The following CSMD1 variants were observed in gnomAD, a reference collection of about 807,000 sequenced individuals.
CSMD1 encodes CUB and sushi domain-containing protein 1.
Under a neutral mutation model 417.5 loss-of-function variants are expected in CSMD1, and 213 were observed. The ratio of observed to expected loss-of-function variants is 0.51; its 90% CI spans 0.46 to 0.57. The LOEUF (loss-of-function observed/expected upper bound fraction) is 0.57. Ranked by LOEUF, CSMD1 falls within the 20% of genes least tolerant of loss-of-function variation. The pLI, the probability that CSMD1 is intolerant of heterozygous loss-of-function variation, is 0.00. For synonymous variants in CSMD1, 2,862 were observed against 1,736.8 expected, an observed-to-expected ratio of 1.65 and a Z score of -16.11; for missense variants, 6,923 against 4,529.7, an observed-to-expected ratio of 1.53 and a Z score of -15.17.
At chr8:3,083,608 T>TTATA (rs747356738) in intron 49 of CSMD1, among the ~76,000 whole-genome samples, 1 of 44,978 alleles carries the variant, frequency 2.2e-5, no homozygotes, top group Non-Finnish European at 4.0e-5. Context: ...TTACCATAAT[T>TTATA]TTTATATATA....
At chr8:4,034,186 T>C (rs1371015002) in intron 3 of CSMD1, among the ~76,000 whole-genome samples, 1 of 152,208 alleles carries the variant, frequency 6.6e-6, no homozygotes, top group Non-Finnish European at 1.5e-5. Context: ...GGAATAGGAA[T>C]CATCTATTTC....
chr8:4,416,559 T>G (rs375275222), intron 3 of CSMD1, among the ~76,000 whole-genome samples: 32 of 152,172 alleles, frequency 2.1e-4, no homozygotes, highest in African/African-American at 7.7e-4. Context: ...TTTCCAACAT[T>G]TAGCTTACGT....
At position 3,201,723 on chromosome 8, in the gene CSMD1, C is replaced by T. The variant is rs920691953; in HGVS notation, c.4987G>A (p.Val1663Ile). 1.3e-6 allele frequency: 2 copies of T among 1,584,650 alleles called. No individual in the cohort carries two copies. Among genetic ancestry groups the T allele is most frequent in the Non-Finnish European group, 1.7e-6 (2 of 1,162,616 alleles). The stretch of plus-strand genomic sequence containing the variant: ...TGGAAATAGGCAAACTGTCCAAAGA[C>T]CACTAAAAAATAAGAGGTGGGATGT... ...YSITVPKEFV[V>I]FGQFAYFQTA... The change falls in exon 32 of 70, where the codon GTC (valine) becomes ATC (isoleucine). Residue 1663 changes from valine to isoleucine, a missense_variant and splice_region_variant. Transcript: ENST00000635120.
At chr8:3,020,189 T>G (rs912315051) in intron 51 of CSMD1, among the ~76,000 whole-genome samples, 1 of 152,232 alleles carries the variant, frequency 6.6e-6, no homozygotes, top group Non-Finnish European at 1.5e-5. Context: ...CTGCATAGGC[T>G]TGTGCATTAG....
At chr8:4,717,437 CTATA>C (rs1446194667) in intron 1 of CSMD1, among the ~76,000 whole-genome samples, 1 of 150,210 alleles carries the variant, frequency 6.7e-6, no homozygotes, top group African/African-American at 2.5e-5. Context: ...TACACATACA[CTATA>C]TATATACACA....
intron 2 of CSMD1, among the ~76,000 whole-genome samples, chr8:4,554,229 C>A (rs1048578970): frequency 6.6e-6 from 1 of 152,050 alleles, no homozygotes; most frequent in Non-Finnish European, 1.5e-5. Flanking sequence ...CTATGCTTCC[C>A]GGGTTCAAGT....
intron 2 of CSMD1, among the ~76,000 whole-genome samples, chr8:4,564,967 G>C (rs1388552010): frequency 6.6e-6 from 1 of 152,166 alleles, no homozygotes; most frequent in Non-Finnish European, 1.5e-5. Flanking sequence ...TCAAAAGAAT[G>C]TGGGTGCCTT....
intron 1 of CSMD1, among the ~76,000 whole-genome samples, chr8:4,751,815 A>G (rs1402816783): frequency 2.0e-5 from 3 of 152,168 alleles, no homozygotes; most frequent in Non-Finnish European, 2.9e-5. Flanking sequence ...CAGAGTCCAC[A>G]TGATGTCTTC....
At chr8:4,816,236 G>A (rs560179268) in intron 1 of CSMD1, among the ~76,000 whole-genome samples, 1 of 152,032 alleles carries the variant, frequency 6.6e-6, no homozygotes, top group Non-Finnish European at 1.5e-5. Context: ...CCAGTTTGGA[G>A]TGCAGTAGTG....
chr8:4,301,705 T>G (rs990626985), intron 3 of CSMD1, among the ~76,000 whole-genome samples: 2 of 152,346 alleles, frequency 1.3e-5, no homozygotes, highest in South Asian at 2.1e-4. Context: ...TTCTTGCAAA[T>G]TGATGTGCAT....
At chr8:3,563,745 T>C (rs1377622271) in intron 10 of CSMD1, among the ~76,000 whole-genome samples, 3 of 151,896 alleles carry the variant, frequency 2.0e-5, no homozygotes, top group African/African-American at 7.3e-5. Context: ...AAAGATTAGC[T>C]AGGTGTGGTG....
At chr8:4,355,025 G>T (rs543568819) in intron 3 of CSMD1, among the ~76,000 whole-genome samples, 154 of 152,050 alleles carry the variant, frequency 1.0e-3, no homozygotes, top group African/African-American at 3.5e-3. Flanking sequence ...CACTTTGGGA[G>T]GCCGAGGCGG....
At chr8:3,994,634 G>A (rs1259065058) in intron 5 of CSMD1, among the ~76,000 whole-genome samples, 1 of 151,606 alleles carries the variant, frequency 6.6e-6, no homozygotes, top group African/African-American at 2.4e-5. Context: ...AAAAAAAAAA[G>A]TCAGTTTCAA....
chr8:4,637,556 G>C lies in CSMD1; in HGVS notation c.88C>G (p.Gln30Glu), dbSNP rs1423236994. 4.4e-6 allele frequency: 7 copies of C among 1,601,272 alleles called. No homozygotes were observed. The East Asian group carries it at 6.8e-5, about 15-fold the overall frequency. Residue 30 changes from glutamine (Q) to glutamate (E), a missense_variant and splice_region_variant, in exon 2 of 70, where the codon CAG (glutamine) becomes GAG (glutamate). Transcript: ENST00000635120. ...CCCTGGACTAAGCCTCCACAGTTCT[G>C]ACCTGGAAGAGAAAACACACACAAA... ...CARLLTAAKG[Q>E]NCGGLVQGPN...
At chr8:4,085,298 T>A (rs532617233) in intron 3 of CSMD1, among the ~76,000 whole-genome samples, 1 of 152,234 alleles carries the variant, frequency 6.6e-6, no homozygotes, top group East Asian at 1.9e-4. Flanking sequence ...CCTTATCTAG[T>A]TAGGAAGTTT....
At chr8:3,467,079 G>A (rs367929661) in intron 12 of CSMD1, among the ~76,000 whole-genome samples, 5 of 152,168 alleles carry the variant, frequency 3.3e-5, no homozygotes, top group African/African-American at 9.7e-5. Context: ...GGTGGCTACT[G>A]AGACTCTTAC....
chr8:3,497,155 G>A (rs552267836), intron 10 of CSMD1, among the ~76,000 whole-genome samples: 1 of 152,080 alleles, frequency 6.6e-6, no homozygotes. Flanking sequence ...ATGTCCGTTA[G>A]GTCCATTTGG....
chr8:3,353,108 T>G (rs1808523514), intron 21 of CSMD1, among the ~76,000 whole-genome samples: 1 of 152,192 alleles, frequency 6.6e-6, no homozygotes, highest in African/African-American at 2.4e-5. Flanking sequence ...TATTGGTAAT[T>G]ATTCCTATTG....
intron 1 of CSMD1, among the ~76,000 whole-genome samples, chr8:4,899,765 T>G (rs1361194948): frequency 6.6e-6 from 1 of 152,188 alleles, no homozygotes; most frequent in Non-Finnish European, 1.5e-5. Context: ...TAGAATGCAC[T>G]ATAACTTCAT....
Sources: allele counts gnomAD v4.1 joint callset (sites outside exome capture counted in the v4.1 genomes callset), GRCh38; gene constraint gnomAD v4.1.1; transcripts MANE v1.5; gene names NCBI Gene and HGNC (gene_info 2026-07-23, HGNC 2026-07-21).